The following MED13L variants were observed in gnomAD, a reference collection of about 807,000 sequenced individuals.
MED13L encodes mediator complex subunit 13L.
MED13L carries 7 observed loss-of-function variants against 220.9 expected under a neutral mutation model. The ratio of observed to expected loss-of-function variants is 0.03; its 90% CI spans 0.02 to 0.06. MED13L has a LOEUF of 0.06. Among genes scored for constraint, MED13L ranks in the 10% least tolerant of loss-of-function variants. MED13L has a pLI of 1.00. For synonymous variants in MED13L, 1,011 were observed against 1,015.2 expected, an observed-to-expected ratio of 1.00 and a Z score of 0.08; for missense variants, 1,965 against 2,760.5, an observed-to-expected ratio of 0.71 and a Z score of 6.46.
chr12:116,003,569 T>C (rs1318086106), intron 13 of MED13L, among the ~76,000 whole-genome samples: 2 of 152,128 alleles, frequency 1.3e-5, no homozygotes, highest in Non-Finnish European at 2.9e-5. Flanking sequence ...ACTATTTATC[T>C]TCACCAAAAA....
At chr12:116,057,349 A>G (rs1869061561) in intron 4 of MED13L, among the ~76,000 whole-genome samples, 1 of 152,084 alleles carries the variant, frequency 6.6e-6, no homozygotes, top group African/African-American at 2.4e-5. Flanking sequence ...GAGCGAAAAT[A>G]CCAAATTTCC....
At position 116,042,486 on chromosome 12, in the gene MED13L, A is replaced by G. The variant is rs555664453; in HGVS notation, c.480-19885T>C. On this transcript the variant is annotated intron_variant, in intron 4 of 30. Coordinates refer to ENST00000281928, the MANE Select transcript of MED13L (RefSeq NM_015335.5). ...GAATAATGGAAGGCAAGGCACATCA[A>G]ATTATAAGGGAAAGATGAGATGTGG... Among the ~76,000 whole-genome samples the G allele has an allele frequency of 1.1e-4, 17 of 152,344 alleles. No homozygotes were observed. In the South Asian group the frequency reaches 1.7e-3, roughly 15 times the overall value.
chr12:116,179,402 T>C (rs752498429), intron 2 of MED13L, among the ~76,000 whole-genome samples: 1 of 152,040 alleles, frequency 6.6e-6, no homozygotes, highest in Non-Finnish European at 1.5e-5. Context: ...TTAAGCTCAA[T>C]AGTTTGAGAC....
At chr12:116,253,744 G>GTTTTTTTCGT (rs1565951343) in intron 1 of MED13L, among the ~76,000 whole-genome samples, 4 of 108,686 alleles carry the variant, frequency 3.7e-5, no homozygotes, top group African/African-American at 1.5e-4. Flanking sequence ...CACCTTCACG[G>GTTTTTTTCGT]TTTTTTTTGT....
rs552243691 is a variant in MED13L at position 116,096,348 on chromosome 12, C to A, written c.479+321G>T. On this transcript the variant is annotated intron_variant, in intron 4 of 30. Coordinates refer to ENST00000281928, the MANE Select transcript of MED13L (RefSeq NM_015335.5). The stretch of plus-strand genomic sequence containing the variant: ...CCAGCCTGGGTGACAGAGTGAGACA[C>A]AGCCTCAAAAAAAAAAAAAAAAAAA... Among the ~76,000 whole-genome samples, 62 of 33,580 alleles carry A rather than the reference C, an allele frequency of 1.8e-3. No individual in the cohort carries two copies. The Middle Eastern group carries it at 0.083, about 45-fold the overall frequency. The allele number at this position is 33,580 out of a possible 152,430, so 22.0% of individuals were successfully genotyped here. A position where few individuals can be genotyped will look rare whatever the true frequency, so the allele number is the denominator to read the frequency against.
At chr12:115,980,557 T>C (rs768638843) in intron 23 of MED13L, 193 bp downstream of exon 23, 2 of 654,228 alleles carry the variant, frequency 3.1e-6, no homozygotes, top group Non-Finnish European at 5.5e-6. Context: ...CTCCTAGGCT[T>C]AAGCAATCCT....
rs558971271 is a variant in MED13L, at chr12:116,250,123, A to G, written c.73-12418T>C. ...GGAAAATATTACAAGTCGGCAGAGG[A>G]AAAAAAGATACATTACATAAGAAAA... is the stretch of plus-strand genomic sequence containing the variant. On this transcript the variant is annotated intron_variant, in intron 1 of 30. Coordinates refer to ENST00000281928, the MANE Select transcript of MED13L (RefSeq NM_015335.5). Among the ~76,000 whole-genome samples, 102 of 151,730 alleles carry G rather than the reference A, an allele frequency of 6.7e-4. 1 individual carries two copies. The highest frequency in any genetic ancestry group is 1.1e-3 in the Non-Finnish European group (73 of 67,920).
chr12:116,276,767 G>A, intron 1 of MED13L: 1 of 1,306,082 alleles, frequency 7.7e-7, no homozygotes, highest in Non-Finnish European at 9.9e-7. Flanking sequence ...GCAACAGAGG[G>A]TGGGCGTTCG....
At chr12:116,006,032 C>A in intron 12 of MED13L, 39 bp from the exon 13 acceptor site, 1 of 1,612,784 alleles carries the variant, frequency 6.2e-7, no homozygotes, top group Non-Finnish European at 8.5e-7. Flanking sequence ...ATAAACAACT[C>A]CACCAAGCGC....
intron 2 of MED13L, among the ~76,000 whole-genome samples, chr12:116,135,924 G>A (rs1876509922): frequency 6.7e-6 from 1 of 149,810 alleles, no homozygotes; most frequent in African/African-American, 2.5e-5. Context: ...TTTTTTGGTG[G>A]ACAGAGTCTC....
chr12:115,984,592 C>G (rs1395853710), intron 19 of MED13L, among the ~76,000 whole-genome samples: 2 of 151,750 alleles, frequency 1.3e-5, no homozygotes, highest in African/African-American at 4.8e-5. Flanking sequence ...GGACTAGGCT[C>G]TCTAAAAAAA....
chr12:116,257,298 C>T (rs1227874974), intron 1 of MED13L, among the ~76,000 whole-genome samples: 1 of 152,202 alleles, frequency 6.6e-6, no homozygotes, highest in South Asian at 2.1e-4. Context: ...CTCCTTCCCC[C>T]ATAGTAACAT....
chr12:115,961,442 G>C (rs749306317), intron 30 of MED13L, 44 bp from the exon 31 acceptor site: 1 of 1,611,016 alleles, frequency 6.2e-7, no homozygotes, highest in South Asian at 1.1e-5. Context: ...GCCTCAAGAG[G>C]GAAGGCTGGT....
chr12:116,208,531 T>C (rs1458231453), intron 2 of MED13L, among the ~76,000 whole-genome samples: 1 of 152,212 alleles, frequency 6.6e-6, no homozygotes, highest in Non-Finnish European at 1.5e-5. Context: ...TAGGGGAAAG[T>C]TAACGTAGAT....
intron 2 of MED13L, among the ~76,000 whole-genome samples, chr12:116,227,943 A>T (rs74568895): frequency 0.024 from 3,646 of 152,274 alleles, 66 homozygotes; most frequent in African/African-American, 0.052. Context: ...TAAAAAATTT[A>T]AAAAAATCTT....
chr12:116,123,224 A>G (rs1875242790), intron 2 of MED13L, among the ~76,000 whole-genome samples: 1 of 152,152 alleles, frequency 6.6e-6, no homozygotes, highest in East Asian at 1.9e-4. Context: ...GACAGGCATT[A>G]CTTTTATAAG....
At chr12:116,273,473 C>T (rs1873558235) in intron 1 of MED13L, among the ~76,000 whole-genome samples, 1 of 151,790 alleles carries the variant, frequency 6.6e-6, no homozygotes. Flanking sequence ...TATAGTCCAC[C>T]CTATTTTGTT....
rs753312390 is a variant in MED13L at position 116,009,058 on chromosome 12, C to G, written c.1355G>C (p.Gly452Ala). The G allele has an allele frequency of 6.2e-7, 1 of 1,614,054 alleles. No homozygotes were observed. Among genetic ancestry groups the G allele is most frequent in the Non-Finnish European group, 8.5e-7 (1 of 1,179,996 alleles). The change falls in exon 10 of 31, where the codon GGA (glycine) becomes GCA (alanine). Residue 452 changes from glycine (G) to alanine (A), a missense_variant. By Grantham distance (60) the Gly-to-Ala change is moderately conservative. Transcript: ENST00000281928. ...TGGTAAAGATGAAGATGATGATGGT[C>G]CTGCACTGAACCCTGGTTGAGATAC... ...PTVSQPGFSA[G>A]PSSSSSLPPP...
chr12:116,111,331 T>A, intron 3 of MED13L, 97 bp downstream of exon 3: 1 of 905,218 alleles, frequency 1.1e-6, no homozygotes, highest in South Asian at 1.3e-5. Context: ...CAATAAATCA[T>A]TGCAAGTGAA....
Sources: allele counts gnomAD v4.1 joint callset (sites outside exome capture counted in the v4.1 genomes callset), GRCh38; gene constraint gnomAD v4.1.1; transcripts MANE v1.5; gene names NCBI Gene and HGNC (gene_info 2026-07-23, HGNC 2026-07-21).